The following ZBTB18 variants were observed in gnomAD, a reference collection of about 807,000 sequenced individuals.
ZBTB18 encodes the protein zinc finger and BTB domain-containing protein 18.
In ZBTB18, 2 loss-of-function variants were observed where a neutral mutation model predicts 37.7. The observed-to-expected ratio is 0.05, with a 90% CI of 0.02 to 0.17. The LOEUF (loss-of-function observed/expected upper bound fraction) is 0.17. Ranked by LOEUF, ZBTB18 falls within the 10% of genes least tolerant of loss-of-function variation. ZBTB18 has a pLI of 1.00. For synonymous variants in ZBTB18, 304 were observed against 276.5 expected, an observed-to-expected ratio of 1.10 and a Z score of -0.99; for missense variants, 408 against 686.3, an observed-to-expected ratio of 0.59 and a Z score of 4.53.
intron 1 of ZBTB18, 122 bp downstream of exon 1, chr1:244,051,566 A>G (rs1239827153): frequency 2.5e-6 from 3 of 1,182,066 alleles, no homozygotes; most frequent in Non-Finnish European, 2.4e-6. Flanking sequence ...TGAGTATTAA[A>G]TGAACATCTT....
rs1698471698 is a variant in ZBTB18 at position 244,056,485 on chromosome 1, CT to C, written c.*1117del. On this transcript the variant is annotated 3_prime_UTR_variant, in exon 2 of 2. Coordinates refer to ENST00000358704, the MANE Select transcript of ZBTB18 (RefSeq NM_205768.3). ...ATGTGCAGTGTGCATTTATAACAAA[CT>C]TCTAATTGCACAAAACCCATGCCAG... 6.0e-6 allele frequency: 1 copy of C among 167,074 alleles called. No homozygotes were observed. Among genetic ancestry groups the C allele is most frequent in the South Asian group, 2.1e-4 (1 of 4,834 alleles). 10.3% of individuals were successfully genotyped at this position (167,074 alleles called of 1,614,324 possible).
At position 244,054,380 on chromosome 1, in the gene ZBTB18, C is replaced by T; in HGVS notation, c.606C>T (p.Gly202=). The change falls in exon 2 of 2, where the codon GGC becomes GGT. Residue 202 remains glycine, a synonymous_variant. Coordinates refer to ENST00000358704, the MANE Select transcript of ZBTB18 (RefSeq NM_205768.3). This position sits in a 1 kb window ranked among gnomAD's most constrained non-coding sequence, Gnocchi z 9.0. ...MWMRLPSDSA[G]IPQAGGEAEP... ...TGCGATTGCCCTCAGACTCAGCAGG[C>T]ATCCCCCAGGCTGGCGGAGAGGCAG... is the stretch of plus-strand genomic sequence containing the variant. The T allele has an allele frequency of 6.2e-7, 1 of 1,614,208 alleles. No homozygotes were observed. The highest frequency in any genetic ancestry group is 8.5e-7 in the Non-Finnish European group (1 of 1,180,042).
Position 244,055,738 on chromosome 1 carries a change from T to C in ZBTB18, c.*368T>C, listed in dbSNP as rs772542071. On this transcript the variant is annotated 3_prime_UTR_variant, in exon 2 of 2. Transcript: ENST00000358704. The surrounding 1 kb of genome is among the most constrained non-coding windows in gnomAD (Gnocchi z 7.0). Reference sequence around the variant, plus strand: ...AAAGTTTTTTTGTTTTTTGTTTTTTTTTTTAAGTAGAAATTCCCTCCAGTT... The same window carrying C: ...AAAGTTTTTTTGTTTTTTGTTTTTTCTTTTAAGTAGAAATTCCCTCCAGTT... The C allele has an allele frequency of 1.2e-5, 2 of 166,822 alleles. No individual in the cohort carries two copies. Among genetic ancestry groups the C allele is most frequent in the African/African-American group, 4.8e-5 (2 of 41,408 alleles). The allele number at this position is 166,822 out of a possible 1,614,324, so 10.3% of individuals were successfully genotyped here.
At chr1:244,049,448 C>CCGGGGGAGGGGGCCGG (rs1427646320), upstream of ZBTB18, among the ~76,000 whole-genome samples, 2 of 128,432 alleles carry the variant, frequency 1.6e-5, no homozygotes, top group Non-Finnish European at 3.3e-5. Flanking sequence ...GCAGTGGCGC[C>CCGGGGGAGGGGGCCGG]CGGGGGAGGG....
In ZBTB18 at chr1:244,053,365, T is replaced by C. The variant is rs1410916481; in HGVS notation, c.14-423T>C. ...AAGTTTTCTTGTATGTTCCAGGATA[T>C]GTTTGGGACTTTTCTTTGTTTATTA... On this transcript the variant is annotated intron_variant, in intron 1 of 1. Coordinates refer to ENST00000358704, the MANE Select transcript of ZBTB18 (RefSeq NM_205768.3). This position sits in a 1 kb window ranked among gnomAD's most constrained non-coding sequence, Gnocchi z 5.2. Among the ~76,000 whole-genome samples the C allele has an allele frequency of 7.9e-5, 12 of 152,226 alleles. No homozygotes were observed. Among genetic ancestry groups the C allele is most frequent in the Non-Finnish European group, 1.5e-4 (10 of 68,034 alleles).
At position 244,053,685 on chromosome 1, in the gene ZBTB18, T is replaced by G. The variant is rs374712502; in HGVS notation, c.14-103T>G. 9.1e-5 allele frequency: 136 copies of G among 1,494,276 alleles called. 1 individual carries two copies. In the South Asian group the frequency reaches 1.6e-3, roughly 18 times the overall value. 92.6% of individuals were successfully genotyped at this position (1,494,276 alleles called of 1,614,324 possible). A position where few individuals can be genotyped will look rare whatever the true frequency, so the allele number is the denominator to read the frequency against. On this transcript the variant is annotated intron_variant, in intron 1 of 1. Transcript: ENST00000358704. The surrounding 1 kb of genome is among the most constrained non-coding windows in gnomAD (Gnocchi z 5.2). ...TAAGCCTGATTAAAATTCAGGGACA[T>G]GTACCACGGCGGCCAAAGCGGAATT...
rs1209725122 is a variant in ZBTB18 at position 244,054,329 on chromosome 1, G to A, written c.555G>A (p.Leu185=). ...KLNILPSKRD[L]AAEPGNMWMR... ...ACATCCTGCCCAGCAAAAGGGACTT[G>A]GCGGCCGAGCCTGGGAACATGTGGA... is the stretch of plus-strand genomic sequence containing the variant. The change falls in exon 2 of 2, where the codon TTG becomes TTA. Residue 185 remains leucine (L), a synonymous_variant. Transcript: ENST00000358704. The surrounding 1 kb of genome is among the most constrained non-coding windows in gnomAD (Gnocchi z 9.0). The A allele has an allele frequency of 6.2e-7, 1 of 1,614,162 alleles. No individual in the cohort carries two copies. The highest frequency in any genetic ancestry group is 2.2e-5 in the East Asian group (1 of 44,864).
chr1:244,050,468 A>G (rs920511893), upstream of ZBTB18, among the ~76,000 whole-genome samples: 14 of 135,490 alleles, frequency 1.0e-4, no homozygotes, highest in Non-Finnish European at 1.9e-4. Context: ...TTGTTAAGGG[A>G]CACAGATCAA....
chr1:244,050,620 G>A (rs1322507822), upstream of ZBTB18, among the ~76,000 whole-genome samples: 1 of 152,166 alleles, frequency 6.6e-6, no homozygotes, highest in East Asian at 1.9e-4. Context: ...TTCAGAAAGT[G>A]CAGTTTCAGC....
chr1:244,049,803 A>C (rs1307839776), upstream of ZBTB18, among the ~76,000 whole-genome samples: 1 of 151,158 alleles, frequency 6.6e-6, no homozygotes, highest in Non-Finnish European at 1.5e-5. Flanking sequence ...CCAACCTCAC[A>C]AAACCTCTAT....
chr1:244,057,066 T>C lies in ZBTB18; in HGVS notation c.*1696T>C, dbSNP rs1698488476. On this transcript the variant is annotated 3_prime_UTR_variant, in exon 2 of 2. Coordinates refer to ENST00000358704, the MANE Select transcript of ZBTB18 (RefSeq NM_205768.3). ...TTTTGGAAATATTTGGTTAAATGTG[T>C]GTTAATTTGGCTGTAATGGCATTTA... is the stretch of plus-strand genomic sequence containing the variant. The C allele has an allele frequency of 6.0e-6, 1 of 167,088 alleles. No individual in the cohort carries two copies. The highest frequency in any genetic ancestry group is 1.5e-5 in the Non-Finnish European group (1 of 68,122). 10.4% of individuals were successfully genotyped at this position (167,088 alleles called of 1,614,324 possible).
chr1:244,053,788 G>A lies in ZBTB18; in HGVS notation c.14G>A (p.Gly5Asp). 1 of 1,607,560 alleles carries A rather than the reference G, an allele frequency of 6.2e-7. No individual in the cohort carries two copies. The highest frequency in any genetic ancestry group is 8.5e-7 in the Non-Finnish European group (1 of 1,175,504). ...TAATGAGAAATTCCTCTCTCCCCAG[G>A]TTATGAAGACAGTATGGAGTTTCCA... MCPK[G>D]YEDSMEFPDH... The change falls in exon 2 of 2, where the codon GGT (glycine) becomes GAT (aspartate). Residue 5 changes from glycine to aspartate, a missense_variant and splice_region_variant. Coordinates refer to ENST00000358704, the MANE Select transcript of ZBTB18 (RefSeq NM_205768.3). This position sits in a 1 kb window ranked among gnomAD's most constrained non-coding sequence, Gnocchi z 5.2.
Position 244,054,656 on chromosome 1 carries a change from T to C in ZBTB18, c.882T>C (p.Val294=), listed in dbSNP as rs1190331473. The change falls in exon 2 of 2, where the codon GTT becomes GTC. Residue 294 remains valine (V), a synonymous_variant. Coordinates refer to ENST00000358704, the MANE Select transcript of ZBTB18 (RefSeq NM_205768.3). The surrounding 1 kb of genome is among the most constrained non-coding windows in gnomAD (Gnocchi z 9.0). ...EKEASCDESD[V]GTNDYDMEHS... Reference sequence around the variant, plus strand: ...AGGCTTCCTGTGATGAGAGTGATGTTGGCACTAATGACTATGACATGGAAC... The same window carrying C: ...AGGCTTCCTGTGATGAGAGTGATGTCGGCACTAATGACTATGACATGGAAC... 1 of 1,614,166 alleles carries C rather than the reference T, an allele frequency of 6.2e-7. No homozygotes were observed. The highest frequency in any genetic ancestry group is 8.5e-7 in the Non-Finnish European group (1 of 1,180,020).
Position 244,054,245 on chromosome 1 carries a change from C to T in ZBTB18, c.471C>T (p.Ser157=). 1 of 1,614,180 alleles carries T rather than the reference C, an allele frequency of 6.2e-7. No homozygotes were observed. Among genetic ancestry groups the T allele is most frequent in the South Asian group, 1.1e-5 (1 of 91,082 alleles). Residue 157 remains serine (S), a synonymous_variant, in exon 2 of 2, where the codon AGC becomes AGT. Coordinates refer to ENST00000358704, the MANE Select transcript of ZBTB18 (RefSeq NM_205768.3). This position sits in a 1 kb window ranked among gnomAD's most constrained non-coding sequence, Gnocchi z 9.0. ...AAGTCGAGAGTCTCTCCGATGGCAG[C>T]AGCCACATAGCAGGCGATTTGCCCA... ...SDKVESLSDG[S]SHIAGDLPSD... is the part of the protein sequence containing the mutation.
In ZBTB18 at chr1:244,053,756, C is replaced by G. The variant is rs762776475; in HGVS notation, c.14-32C>G. 1.9e-6 allele frequency: 3 copies of G among 1,573,346 alleles called. No individual in the cohort carries two copies. Among genetic ancestry groups the G allele is most frequent in the Admixed American group, 1.9e-5 (1 of 53,688 alleles). On this transcript the variant is annotated intron_variant, in intron 1 of 1. Transcript: ENST00000358704. This position sits in a 1 kb window ranked among gnomAD's most constrained non-coding sequence, Gnocchi z 5.2. The stretch of plus-strand genomic sequence containing the variant: ...GGAGCGCTGAAAAGTTGTTCCTGAC[C>G]AGGCTCTAATGAGAAATTCCTCTCT...
In ZBTB18 at chr1:244,055,100, G is replaced by T; in HGVS notation, c.1326G>T (p.Ser442=). The change falls in exon 2 of 2, where the codon TCG becomes TCT. Residue 442 remains serine, a synonymous_variant. Coordinates refer to ENST00000358704, the MANE Select transcript of ZBTB18 (RefSeq NM_205768.3). This position sits in a 1 kb window ranked among gnomAD's most constrained non-coding sequence, Gnocchi z 7.0. ...YTLKRHERTH[S]GEKPYTCTQC... is the part of the protein sequence containing the mutation. ...TCAAGCGCCACGAGAGGACTCACTC[G>T]GGGGAGAAGCCCTACACATGCACCC... The T allele has an allele frequency of 6.2e-7, 1 of 1,614,142 alleles. No individual in the cohort carries two copies. Among genetic ancestry groups the T allele is most frequent in the Middle Eastern group, 1.7e-4 (1 of 6,060 alleles).
chr1:244,054,973 C>T lies in ZBTB18; in HGVS notation c.1199C>T (p.Thr400Met), dbSNP rs748534013. Residue 400 changes from threonine to methionine, a missense_variant, in exon 2 of 2, where the codon ACG becomes ATG. By Grantham distance (81) the Thr-to-Met change is moderately conservative. This residue lies in a region of ZBTB18 where 266 missense variants were observed against 312.0 expected (regional missense o/e 0.85). Coordinates refer to ENST00000358704, the MANE Select transcript of ZBTB18 (RefSeq NM_205768.3). This position sits in a 1 kb window ranked among gnomAD's most constrained non-coding sequence, Gnocchi z 9.0. ...SPHILQIHLSTHFREQDGIRS... is the reference protein window; with the variant it reads ...SPHILQIHLSMHFREQDGIRS... ...CACATCCTGCAGATCCACCTGAGCA[C>T]GCACTTCCGCGAGCAGGACGGCATC... is the stretch of plus-strand genomic sequence containing the variant. 2 of 1,614,108 alleles carry T rather than the reference C, an allele frequency of 1.2e-6. No individual in the cohort carries two copies. The highest frequency in any genetic ancestry group is 1.7e-6 in the Non-Finnish European group (2 of 1,180,006).
In ZBTB18 at chr1:244,054,980, C is replaced by T. The variant is rs1337394012; in HGVS notation, c.1206C>T (p.Phe402=). 6.8e-6 allele frequency: 11 copies of T among 1,614,096 alleles called. No homozygotes were observed. The highest frequency in any genetic ancestry group is 9.3e-6 in the Non-Finnish European group (11 of 1,180,014). Reference sequence around the variant, plus strand: ...TGCAGATCCACCTGAGCACGCACTTCCGCGAGCAGGACGGCATCCGCAGCA... The same window carrying T: ...TGCAGATCCACCTGAGCACGCACTTTCGCGAGCAGGACGGCATCCGCAGCA... ...HILQIHLSTH[F]REQDGIRSKP... Residue 402 remains phenylalanine (F), a synonymous_variant, in exon 2 of 2, where the codon TTC becomes TTT. Coordinates refer to ENST00000358704, the MANE Select transcript of ZBTB18 (RefSeq NM_205768.3). The surrounding 1 kb of genome is among the most constrained non-coding windows in gnomAD (Gnocchi z 9.0).
rs1698495690 is a variant in ZBTB18 at position 244,057,330 on chromosome 1, T to G, written c.*1960T>G. The G allele has an allele frequency of 6.0e-6, 1 of 167,016 alleles. No homozygotes were observed. Among genetic ancestry groups the G allele is most frequent in the Non-Finnish European group, 1.5e-5 (1 of 68,132 alleles). The allele number at this position is 167,016 out of a possible 1,614,324, so 10.3% of individuals were successfully genotyped here. On this transcript the variant is annotated 3_prime_UTR_variant, in exon 2 of 2. Coordinates refer to ENST00000358704, the MANE Select transcript of ZBTB18 (RefSeq NM_205768.3). Reference sequence around the variant, plus strand: ...TCACATTCTTCCTTTGTTCTAAAACTTAGACTGACATCTAGCTTTGACAAT... The same window carrying G: ...TCACATTCTTCCTTTGTTCTAAAACGTAGACTGACATCTAGCTTTGACAAT...
Sources: allele counts gnomAD v4.1 joint callset (sites outside exome capture counted in the v4.1 genomes callset), GRCh38; gene constraint gnomAD v4.1.1; regional missense constraint gnomAD v4.1.1; non-coding constraint Gnocchi (gnomAD v3.1); transcripts MANE v1.5; gene names NCBI Gene and HGNC (gene_info 2026-07-23, HGNC 2026-07-21).